IARS2: variants seen among roughly 807,000 people sequenced by gnomAD.
IARS2 encodes the protein isoleucine--tRNA ligase, mitochondrial.
A neutral mutation model predicts 126.3 loss-of-function variants in IARS2; 56 were observed. The observed-to-expected ratio is 0.44, with a 90% confidence interval of 0.36 to 0.55. The LOEUF is 0.55. Ranked by LOEUF, IARS2 falls within the 20% of genes least tolerant of loss-of-function variation. IARS2 has a pLI of 0.00. For missense variants in IARS2, 1,127 were observed against 1,245.9 expected (o/e 0.90, Z 1.44); for synonymous variants, 407 against 441.1 (o/e 0.92, Z 0.97).
In IARS2 at chr1:220,133,596, G is replaced by T. The variant is rs151136755; in HGVS notation, c.1838-806G>T. Among the ~76,000 whole-genome samples the T allele has an allele frequency of 7.4e-3, 1,122 of 152,266 alleles. 9 individuals are homozygous for T. The highest frequency in any genetic ancestry group is 0.02 in the Middle Eastern group (6 of 294). On this transcript the variant is annotated intron_variant, in intron 14 of 22. Transcript: ENST00000366922. Reference sequence around the variant, plus strand: ...AGGGATTATGGGGGCTTTGAGAGTTGTGAGTTTAGATTTAAAATATAGATG... The same window carrying T: ...AGGGATTATGGGGGCTTTGAGAGTTTTGAGTTTAGATTTAAAATATAGATG...
intron 14 of IARS2, among the ~76,000 whole-genome samples, chr1:220,128,678 A>G (rs1384124724): frequency 1.3e-5 from 2 of 152,208 alleles, no homozygotes; most frequent in African/African-American, 4.8e-5. Context: ...AGAAAAGAGT[A>G]TGCCAATTGT....
At chr1:220,097,339 C>T (rs72747386) in intron 2 of IARS2, among the ~76,000 whole-genome samples, 21,427 of 150,614 alleles carry the variant, frequency 0.14, 1,960 homozygotes, top group Admixed American at 0.22. Context: ...ATAATTCCAC[C>T]TTCTCTTTCC....
Position 220,139,140 on chromosome 1 carries a change from G to A in IARS2, c.2307+1G>A. 6.2e-7 allele frequency: 1 copy of A among 1,600,654 alleles called. No homozygotes were observed. ...CTTACTGCAGGATTTGGCAAACAAG[G>A]TAAATGTAAATTAATAAACTTTTGG... On this transcript the variant is annotated splice_donor_variant, in intron 18 of 22. Transcript: ENST00000366922. LOFTEE classifies it high-confidence loss of function.
At chr1:220,115,555 A>G (rs917027485) in intron 12 of IARS2, among the ~76,000 whole-genome samples, 3 of 152,070 alleles carry the variant, frequency 2.0e-5, no homozygotes, top group African/African-American at 7.2e-5. Flanking sequence ...GTGAGACTCT[A>G]TCTCAAAAAA....
At position 220,114,454 on chromosome 1, in the gene IARS2, G is replaced by T. The variant is rs758999402; in HGVS notation, c.1620G>T (p.Lys540Asn). Residue 540 changes from lysine to asparagine, a missense_variant, in exon 12 of 23, where the codon AAG becomes AAT. Physicochemically the swap from Lys to Asn is moderately conservative, Grantham distance 94 (BLOSUM62 0). Transcript: ENST00000366922. The part of the protein sequence containing the change: ...VPIPVFHHKT[K>N]DEYLINSQTT... ...TTCCTGTGTTTCATCATAAGACCAA[G>T]GATGAATACTTGATCAACAGGTAGA... The T allele has an allele frequency of 3.2e-5, 51 of 1,612,462 alleles. No individual in the cohort carries two copies. In the East Asian group the frequency reaches 1.1e-3, roughly 34 times the overall value.
rs960671713 is a variant in IARS2 at position 220,139,124 on chromosome 1, G to A, written c.2292G>A (p.Gln764=). 1 of 1,606,208 alleles carries A rather than the reference G, an allele frequency of 6.2e-7. No homozygotes were observed. Among genetic ancestry groups the A allele is most frequent in the Non-Finnish European group, 8.5e-7 (1 of 1,176,876 alleles). The change falls in exon 18 of 23, where the codon CAG becomes CAA. Residue 764 remains glutamine, a synonymous_variant. Transcript: ENST00000366922. ...VIDQYMLHLL[Q]DLANKITELY... is the part of the protein sequence containing the mutation. ...ACCAGTACATGCTACACTTACTGCA[G>A]GATTTGGCAAACAAGGTAAATGTAA...
rs112492379 is a variant in IARS2, at chr1:220,111,049, T to C, written c.1479+112T>C. The C allele has an allele frequency of 1.1e-3, 1,035 of 959,884 alleles. 15 individuals are homozygous for C. The African/African-American group carries it at 0.015, about 14-fold the overall frequency. The allele number at this position is 959,884 out of a possible 1,614,324, so 59.5% of individuals were successfully genotyped here. ...GGAGTAATAGGGATTGCTGCTATTA[T>C]GATTTAGTTTCATAACATTGTAGAA... On this transcript the variant is annotated intron_variant, in intron 11 of 22. Transcript: ENST00000366922.
At chr1:220,123,467 T>C (rs1657088778) in intron 12 of IARS2, among the ~76,000 whole-genome samples, 1 of 152,132 alleles carries the variant, frequency 6.6e-6, no homozygotes, top group Admixed American at 6.5e-5. Context: ...TTGTAGAGCA[T>C]ATTTATTTAT....
chr1:220,112,698 A>G (rs946473814), intron 11 of IARS2, among the ~76,000 whole-genome samples: 6 of 149,048 alleles, frequency 4.0e-5, no homozygotes, highest in African/African-American at 1.5e-4. Context: ...AACTGGGACT[A>G]CAGGCCTGTG....
chr1:220,095,290 C>T (rs1242337280), intron 1 of IARS2, among the ~76,000 whole-genome samples: 2 of 152,144 alleles, frequency 1.3e-5, no homozygotes, highest in Non-Finnish European at 2.9e-5. Flanking sequence ...CTTCCCGCCT[C>T]GGCCTCCCAA....
At chr1:220,119,513 AAGAATATTAAAT>A (rs1460158819) in intron 12 of IARS2, among the ~76,000 whole-genome samples, 2 of 152,092 alleles carry the variant, frequency 1.3e-5, no homozygotes, top group African/African-American at 4.8e-5. Flanking sequence ...TTTTTTTCTG[AAGAATATTAAAT>A]ATCACAAGGA....
At chr1:220,096,285 A>C in intron 2 of IARS2, 59 bp downstream of exon 2, 1 of 1,044,148 alleles carries the variant, frequency 9.6e-7, no homozygotes, top group African/African-American at 1.6e-5. Context: ...TACTCTTTAT[A>C]AATGTGTATT....
In IARS2 at chr1:220,124,972, A is replaced by G. The variant is rs1571856815; in HGVS notation, c.1641-265A>G. 3.3e-5 allele frequency among the ~76,000 whole-genome samples: 5 copies of G among 152,340 alleles called. No individual in the cohort carries two copies. The South Asian group carries it at 8.3e-4, about 25-fold the overall frequency. On this transcript the variant is annotated intron_variant, in intron 12 of 22. Transcript: ENST00000366922. ...GGCAGAAATCAGAAGAGGGAAGATAATTAGAAGGCTTTGAGTATAAGTACC... is the reference window on the plus strand; with the variant it reads ...GGCAGAAATCAGAAGAGGGAAGATAGTTAGAAGGCTTTGAGTATAAGTACC...
At chr1:220,105,476 C>T (rs1300809929) in intron 8 of IARS2, among the ~76,000 whole-genome samples, 1 of 151,926 alleles carries the variant, frequency 6.6e-6, no homozygotes, top group East Asian at 1.9e-4. Context: ...GCTGGTGTCA[C>T]GTAGCTACTA....
In IARS2 at chr1:220,103,490, C is replaced by T; in HGVS notation, c.994C>T (p.Leu332=). The change falls in exon 8 of 23, where the codon CTG becomes TTG. Residue 332 remains leucine, a synonymous_variant. Coordinates refer to ENST00000366922, the MANE Select transcript of IARS2 (RefSeq NM_018060.4). ...KCSKSGDLYV[L]AADKVASVAS... Reference sequence around the variant, plus strand: ...TTCTAAGTCTGGAGACCTCTACGTACTGGCGGCAGATAAAGTAGCATCTGT... The same window carrying T: ...TTCTAAGTCTGGAGACCTCTACGTATTGGCGGCAGATAAAGTAGCATCTGT... 1 of 1,613,398 alleles carries T rather than the reference C, an allele frequency of 6.2e-7. No individual in the cohort carries two copies. The highest frequency in any genetic ancestry group is 8.5e-7 in the Non-Finnish European group (1 of 1,179,440).
Position 220,136,869 on chromosome 1 carries a change from T to C in IARS2, c.2007T>C (p.Leu669=). The C allele has an allele frequency of 6.2e-7, 1 of 1,611,906 alleles. No individual in the cohort carries two copies. The highest frequency in any genetic ancestry group is 8.5e-7 in the Non-Finnish European group (1 of 1,178,280). ...GEKGEKMSKS[L]GNVIHPDVVV... ...AGGGAGAAAAGATGTCCAAGTCTCT[T>C]GGGAATGTCATTCATCCTGATGTTG... is the stretch of plus-strand genomic sequence containing the variant. Residue 669 remains leucine, a synonymous_variant, in exon 16 of 23, where the codon CTT becomes CTC. Coordinates refer to ENST00000366922, the MANE Select transcript of IARS2 (RefSeq NM_018060.4).
At chr1:220,135,549 G>A (rs957484712) in intron 15 of IARS2, among the ~76,000 whole-genome samples, 5 of 151,918 alleles carry the variant, frequency 3.3e-5, no homozygotes, top group Non-Finnish European at 5.9e-5. Flanking sequence ...TAATAGAGAC[G>A]GGATTTCACC....
At position 220,145,600 on chromosome 1, in the gene IARS2, A is replaced by G. The variant is rs1657570353; in HGVS notation, c.2843A>G (p.Glu948Gly). The change falls in exon 22 of 23, where the codon GAG becomes GGG. Residue 948 changes from glutamate (E) to glycine (G), a missense_variant. Physicochemically the swap from Glu to Gly is moderately conservative, Grantham distance 98. Transcript: ENST00000366922. ...ESTLLAQEPR[E>G]MTADVIELKG... The stretch of plus-strand genomic sequence containing the variant: ...ACTTTACTGGCTCAGGAACCACGAG[A>G]GATGACTGCAGATGTAATCGAGCTT... 1 of 1,613,636 alleles carries G rather than the reference A, an allele frequency of 6.2e-7. No homozygotes were observed. The highest frequency in any genetic ancestry group is 8.5e-7 in the Non-Finnish European group (1 of 1,179,794).
intron 1 of IARS2, among the ~76,000 whole-genome samples, chr1:220,095,297 C>T (rs113410888): frequency 6.6e-6 from 1 of 152,208 alleles, no homozygotes; most frequent in Non-Finnish European, 1.5e-5. Flanking sequence ...CCTCGGCCTC[C>T]CAAAGTGCTG....
Sources: allele counts gnomAD v4.1 joint callset (sites outside exome capture counted in the v4.1 genomes callset), GRCh38; gene constraint gnomAD v4.1.1; transcripts MANE v1.5; gene names NCBI Gene and HGNC (gene_info 2026-07-23, HGNC 2026-07-21).